Variants in HSPA14 observed in about 807,000 individuals in gnomAD.
HSPA14 encodes the protein heat shock protein family A (Hsp70) member 14.
A neutral mutation model predicts 65.5 loss-of-function variants in HSPA14; 37 were observed. The observed-to-expected ratio is 0.56, with a 90% CI of 0.43 to 0.74. HSPA14 has a LOEUF of 0.74. HSPA14 is among the 30% of genes least tolerant of loss of function. The probability of loss-of-function intolerance (pLI) is 0.00; values close to 1 mark genes in which losing one functional copy is unlikely to be tolerated. For missense variants in HSPA14, 564 were observed against 607.6 expected, an observed-to-expected ratio of 0.93 and a Z score of 0.75; for synonymous variants, 203 against 214.2, an observed-to-expected ratio of 0.95 and a Z score of 0.46.
intron 3 of HSPA14, among the ~76,000 whole-genome samples, chr10:14,840,795 G>C (rs1167364155): frequency 6.6e-6 from 1 of 152,164 alleles, no homozygotes; most frequent in East Asian, 1.9e-4. Flanking sequence ...ACTTGATAGA[G>C]TGTTTTTAAA....
chr10:14,867,640 A>G (rs2131650353), intron 11 of HSPA14, 96 bp from the exon 12 acceptor site: 1 of 1,056,170 alleles, frequency 9.5e-7, no homozygotes, highest in Non-Finnish European at 1.4e-6. Flanking sequence ...TGTCCTGTTT[A>G]TCAATAAGGA....
Position 14,842,654 on chromosome 10 carries a change from A to G in HSPA14, c.221+2497A>G, listed in dbSNP as rs763452069. ...TGCTTGGGCCAAGCACTGTGATCAG[A>G]ACTTAGTGGCCTCTGACGCCCCAGG... On this transcript the variant is annotated intron_variant, in intron 3 of 13. Transcript: ENST00000378372. The surrounding 1 kb of genome is among the most constrained non-coding windows in gnomAD (Gnocchi z 5.2). 43 of 1,536,112 alleles carry G rather than the reference A, an allele frequency of 2.8e-5. No individual in the cohort carries two copies. In the African/African-American group the frequency reaches 5.3e-4, roughly 19 times the overall value.
rs149016758 is a variant in HSPA14 at position 14,867,261 on chromosome 10, T to C, written c.1172T>C (p.Met391Thr). The change falls in exon 11 of 14, where the codon ATG becomes ACG. Residue 391 changes from methionine (M) to threonine (T), a missense_variant. Physicochemically the swap from Met to Thr is moderately conservative, Grantham distance 81. Transcript: ENST00000378372. ...KENLLVEDSL[M>T]IECSARDILV... ...AACCTGTTGGTGGAAGACTCTCTTA[T>C]GATAGAGTGTTCAGCCAGAGATATT... The C allele has an allele frequency of 2.5e-6, 4 of 1,613,616 alleles. No individual in the cohort carries two copies. The South Asian group carries it at 3.3e-5, about 13-fold the overall frequency.
At chr10:14,857,865 A>G (rs1371313505) in intron 10 of HSPA14, among the ~76,000 whole-genome samples, 1 of 151,392 alleles carries the variant, frequency 6.6e-6, no homozygotes, top group Admixed American at 6.6e-5. Flanking sequence ...TGTTGTGACA[A>G]ATTTTTTTTG....
At chr10:14,856,718 G>A (rs910694770) in intron 10 of HSPA14, among the ~76,000 whole-genome samples, 1 of 152,032 alleles carries the variant, frequency 6.6e-6, no homozygotes, top group African/African-American at 2.4e-5. Context: ...AATTAGCGGG[G>A]TGTGATGATG....
At chr10:14,868,398 C>A (rs1832825345) in intron 12 of HSPA14, among the ~76,000 whole-genome samples, 1 of 152,042 alleles carries the variant, frequency 6.6e-6, no homozygotes, top group South Asian at 2.1e-4. Flanking sequence ...TTTTAAAATA[C>A]CGCGTGCATA....
At chr10:14,849,373 G>A (rs1256869303) in intron 5 of HSPA14, 2 of 488,968 alleles carry the variant, frequency 4.1e-6, no homozygotes, top group African/African-American at 3.9e-5. Flanking sequence ...GGGTTGGAAG[G>A]CAGGCTTTAA....
intron 1 of HSPA14, 22 bp from the exon 2 acceptor site, chr10:14,839,883 T>C: frequency 1.3e-6 from 2 of 1,583,266 alleles, no homozygotes. Context: ...TGAGACTATG[T>C]ATTTCGTGTT....
intron 12 of HSPA14, among the ~76,000 whole-genome samples, 196 bp downstream of exon 12, chr10:14,868,105 C>G (rs1832822818): frequency 6.6e-6 from 1 of 152,058 alleles, no homozygotes; most frequent in South Asian, 2.1e-4. Context: ...ATAGGCAGTT[C>G]TAATTTGAAA....
intron 3 of HSPA14, among the ~76,000 whole-genome samples, chr10:14,843,062 T>G (rs1833995747): frequency 6.6e-6 from 1 of 152,214 alleles, no homozygotes; most frequent in African/African-American, 2.4e-5. Flanking sequence ...CCTTTAAACC[T>G]AGAAGTGCTC....
In HSPA14 at chr10:14,840,213, T is replaced by C. The variant is rs1184716357; in HGVS notation, c.221+56T>C. The stretch of plus-strand genomic sequence containing the variant: ...GTAATAGGAACATGTTCATAAATTC[T>C]AAGCATAATGTGAAAAGAAATTAGA... On this transcript the variant is annotated intron_variant, in intron 3 of 13. Transcript: ENST00000378372. 8 of 896,194 alleles carry C rather than the reference T, an allele frequency of 8.9e-6. No individual in the cohort carries two copies. The African/African-American group carries it at 1.4e-4, about 15-fold the overall frequency. 55.5% of individuals were successfully genotyped at this position (896,194 alleles called of 1,614,324 possible). A position where few individuals can be genotyped will look rare whatever the true frequency, so the allele number is the denominator to read the frequency against.
Position 14,867,747 on chromosome 10 carries a change from A to G in HSPA14, c.1218A>G (p.Glu406=). The change falls in exon 12 of 14, where the codon GAA becomes GAG. Residue 406 remains glutamate (E), a synonymous_variant. Transcript: ENST00000378372. ...ARDILVKGVD[E]SGASRFTVLF... ...TTCCTGCTAACTAGGGTGTGGACGAATCAGGAGCCAGTAGATTCACAGTGC... is the reference window on the plus strand; with the variant it reads ...TTCCTGCTAACTAGGGTGTGGACGAGTCAGGAGCCAGTAGATTCACAGTGC... 1 of 1,613,770 alleles carries G rather than the reference A, an allele frequency of 6.2e-7. No individual in the cohort carries two copies. Among genetic ancestry groups the G allele is most frequent in the South Asian group, 1.1e-5 (1 of 91,000 alleles).
chr10:14,867,938 C>G, intron 12 of HSPA14, 29 bp downstream of exon 12: 1 of 1,574,254 alleles, frequency 6.4e-7, no homozygotes, highest in Non-Finnish European at 8.6e-7. Flanking sequence ...ACACATTAAA[C>G]TGTTCAACTT....
rs1834128268 is a variant in HSPA14 at position 14,854,136 on chromosome 10, A to C, written c.746A>C (p.His249Pro). The C allele has an allele frequency of 6.2e-7, 1 of 1,601,002 alleles. No individual in the cohort carries two copies. Among genetic ancestry groups the C allele is most frequent in the Non-Finnish European group, 8.5e-7 (1 of 1,176,472 alleles). The change falls in exon 9 of 14, where the codon CAT (histidine) becomes CCT (proline). Residue 249 changes from histidine (H) to proline (P), a missense_variant. Transcript: ENST00000378372. ...LASEFQRSFKHDVRGNARAMM... is the reference protein window; with the variant it reads ...LASEFQRSFKPDVRGNARAMM... ...TGTTTTTAATTTAGATCCTTCAAAC[A>C]TGATGTGAGAGGAAATGCGCGAGCC... is the stretch of plus-strand genomic sequence containing the variant.
intron 3 of HSPA14, chr10:14,845,113 C>G (rs1026413972): frequency 1.3e-5 from 13 of 985,284 alleles, no homozygotes; most frequent in African/African-American, 1.7e-5. Context: ...ACAGATGAGC[C>G]TCCTCCACAC....
chr10:14,839,957 C>T lies in HSPA14; in HGVS notation c.110C>T (p.Ala37Val), dbSNP rs1319782079. 1 of 1,612,298 alleles carries T rather than the reference C, an allele frequency of 6.2e-7. No homozygotes were observed. The highest frequency in any genetic ancestry group is 2.2e-5 in the East Asian group (1 of 44,802). The change falls in exon 2 of 14, where the codon GCT becomes GTT. Residue 37 changes from alanine to valine, a missense_variant. Transcript: ENST00000378372. ...GATGCCGGTGACCGAGTTACTCCAG[C>T]TGTTGTTGCTTACTCAGAAAATGAA... ...ANDAGDRVTP[A>V]VVAYSENEEI...
chr10:14,844,540 G>A (rs1048703700), intron 3 of HSPA14: 1 of 986,802 alleles, frequency 1.0e-6, no homozygotes, highest in African/African-American at 1.7e-5. Flanking sequence ...TTCCACTGCT[G>A]TGTATCTGAC....
intron 10 of HSPA14, among the ~76,000 whole-genome samples, chr10:14,861,336 C>T (rs754606584): frequency 1.3e-5 from 2 of 152,164 alleles, no homozygotes; most frequent in African/African-American, 2.4e-5. Flanking sequence ...AAGTTCTGAT[C>T]ATAGCAATCA....
intron 6 of HSPA14, among the ~76,000 whole-genome samples, chr10:14,850,275 A>T (rs1288817529): frequency 6.6e-6 from 1 of 152,108 alleles, no homozygotes; most frequent in East Asian, 1.9e-4. Context: ...GTCTCAAAAA[A>T]AAAAAAAAGC....
Sources: gnomAD v4.1 joint callset for allele counts (sites outside exome capture counted in the v4.1 genomes callset) on GRCh38, gnomAD v4.1.1 for gene constraint, Gnocchi (gnomAD v3.1) non-coding constraint, MANE v1.5 for transcripts, NCBI Gene and HGNC (gene_info 2026-07-23, HGNC 2026-07-21) for gene names.